Variants in SETD1A observed in about 807,000 individuals in gnomAD.
SETD1A encodes the protein histone-lysine N-methyltransferase SETD1A.
In SETD1A, 29 loss-of-function variants were observed where a neutral mutation model predicts 149.9. That is an observed-to-expected ratio of 0.19 (90% CI 0.14 to 0.26). The LOEUF is 0.26. SETD1A is among the 10% of genes least tolerant of loss of function. The pLI, the probability that SETD1A is intolerant of heterozygous loss-of-function variation, is 1.00. For missense variants in SETD1A, 2,109 were observed against 2,353.1 expected, an observed-to-expected ratio of 0.90 and a Z score of 2.15; for synonymous variants, 1,141 against 968.5, an observed-to-expected ratio of 1.18 and a Z score of -3.31.
chr16:30,984,134 A>G lies in SETD1A; in HGVS notation c.*111A>G. 1 of 1,079,692 alleles carries G rather than the reference A, an allele frequency of 9.3e-7. No homozygotes were observed. The highest frequency in any genetic ancestry group is 1.3e-6 in the Non-Finnish European group (1 of 775,648). 66.9% of individuals were successfully genotyped at this position (1,079,692 alleles called of 1,614,324 possible). ...GCAGGGCCCACATGCCCCCATCTCC[A>G]AGCGTGGGGTTGGGGGCCCCAAGCC... On this transcript the variant is annotated 3_prime_UTR_variant, in exon 19 of 19. Coordinates refer to ENST00000262519, the MANE Select transcript of SETD1A (RefSeq NM_014712.3).
chr16:30,979,998 G>GCCCC lies in SETD1A; in HGVS notation c.4214_4217dup (p.Pro1408ThrfsTer14). ...CCCACGCCCGGCGCCGCCGCCCTCC[G>GCCCC]CCCCCACCCCCGCCGCCACCGCCCC... On this transcript the variant is annotated frameshift_variant, in exon 14 of 19. Transcript: ENST00000262519. LOFTEE classifies it high-confidence loss of function. 1.7e-5 allele frequency: 8 copies of GCCCC among 481,340 alleles called. No homozygotes were observed. Among genetic ancestry groups the GCCCC allele is most frequent in the South Asian group, 2.0e-5 (1 of 51,212 alleles). 29.8% of individuals were successfully genotyped at this position (481,340 alleles called of 1,614,324 possible).
At chr16:30,959,906 G>A (rs1335658363) in intron 3 of SETD1A, among the ~76,000 whole-genome samples, 2 of 152,062 alleles carry the variant, frequency 1.3e-5, no homozygotes, top group Non-Finnish European at 2.9e-5. Context: ...TTCATTTGGA[G>A]GCCACACATG....
In SETD1A at chr16:30,964,865, C is replaced by T. The variant is rs780454569; in HGVS notation, c.1123C>T (p.Arg375Cys). The T allele has an allele frequency of 1.5e-5, 24 of 1,614,090 alleles. No homozygotes were observed. Among genetic ancestry groups the T allele is most frequent in the East Asian group, 2.2e-5 (1 of 44,894 alleles). Residue 375 changes from arginine (R) to cysteine (C), a missense_variant, in exon 7 of 19, where the codon CGC (arginine) becomes TGC (cysteine). Arg to Cys is a radical substitution (Grantham distance 180, BLOSUM62 -3). Transcript: ENST00000262519. ...NYPAYYESWN[R>C]YQRHTSYPPR... ...CCCAGCGTATTATGAAAGCTGGAAT[C>T]GCTACCAGCGCCATACTTCCTACCC... is the stretch of plus-strand genomic sequence containing the variant.
At chr16:30,960,823 C>A (rs2056043094) in intron 3 of SETD1A, among the ~76,000 whole-genome samples, 1 of 142,426 alleles carries the variant, frequency 7.0e-6, no homozygotes, top group African/African-American at 2.6e-5. Context: ...GCAACCTCTG[C>A]CTGCCAGGTT....
Position 30,965,360 on chromosome 16 carries a change from A to G in SETD1A, c.1618A>G (p.Thr540Ala). Residue 540 changes from threonine (T) to alanine (A), a missense_variant, in exon 7 of 19, where the codon ACA becomes GCA. Physicochemically the swap from Thr to Ala is moderately conservative, Grantham distance 58. Transcript: ENST00000262519. ...VPSGSGHGPC[T>A]PPPAPANFED... ...TTCTGGGTCAGGGCATGGGCCCTGC[A>G]CACCCCCTCCGGCCCCAGCTAATTT... The G allele has an allele frequency of 6.2e-7, 1 of 1,612,946 alleles. No homozygotes were observed. Among genetic ancestry groups the G allele is most frequent in the Non-Finnish European group, 8.5e-7 (1 of 1,179,108 alleles).
chr16:30,958,420 C>T (rs1021684328), intron 1 of SETD1A: 3 of 144,946 alleles, frequency 2.1e-5, no homozygotes, highest in East Asian at 1.1e-4. Context: ...CTGCAGGGGG[C>T]GGGGGAGGGG....
intron 3 of SETD1A, among the ~76,000 whole-genome samples, chr16:30,960,411 G>C (rs551145239): frequency 7.2e-5 from 11 of 152,296 alleles, no homozygotes; most frequent in African/African-American, 2.4e-4. Context: ...CTTGTCATTT[G>C]ATGAATTGTT....
intron 4 of SETD1A, among the ~76,000 whole-genome samples, chr16:30,962,559 A>T (rs2056068565): frequency 2.0e-5 from 3 of 152,310 alleles, no homozygotes; most frequent in Admixed American, 6.5e-5. Context: ...CGAGCTGCAG[A>T]TTGCAGTATT....
chr16:30,966,264 C>G lies in SETD1A; in HGVS notation c.2383C>G (p.Leu795Val), dbSNP rs771052520. ...LPTAGTVGRV[L>V]AMLVQEMKSI... is the part of the protein sequence containing the mutation. ...GACAGCAGGCACCGTGGGCCGTGTG[C>G]TCGCCATGCTGGTCCAGGAGATGAA... Residue 795 changes from leucine to valine, a missense_variant, in exon 8 of 19, where the codon CTC becomes GTC. By Grantham distance (32) the Leu-to-Val change is conservative (BLOSUM62 1). This residue lies in a region of SETD1A where 431 missense variants were observed against 388.6 expected (regional missense o/e 1.11). Transcript: ENST00000262519. 6.2e-7 allele frequency: 1 copy of G among 1,613,766 alleles called. No homozygotes were observed. The highest frequency in any genetic ancestry group is 8.5e-7 in the Non-Finnish European group (1 of 1,180,020).
At chr16:30,971,115 T>C (rs1238467335) in intron 12 of SETD1A, among the ~76,000 whole-genome samples, 2 of 152,238 alleles carry the variant, frequency 1.3e-5, no homozygotes, top group Non-Finnish European at 2.9e-5. Context: ...GTGGACTCCT[T>C]GTCCTTGAGT....
Position 30,965,672 on chromosome 16 carries a change from C to T in SETD1A, c.1791C>T (p.Ala597=), listed in dbSNP as rs769699524. 1 of 1,610,128 alleles carries T rather than the reference C, an allele frequency of 6.2e-7. No individual in the cohort carries two copies. Among genetic ancestry groups the T allele is most frequent in the Non-Finnish European group, 8.5e-7 (1 of 1,178,532 alleles). The change falls in exon 8 of 19, where the codon GCC becomes GCT. Residue 597 remains alanine (A), a synonymous_variant. Transcript: ENST00000262519. ...DDDRGGSPPP[A]PTPPQQPPPP... ...ACCGGGGTGGCTCACCCCCTCCGGC[C>T]CCGACGCCCCCTCAGCAGCCTCCGC... is the stretch of plus-strand genomic sequence containing the variant.
In SETD1A at chr16:30,964,984, C is replaced by A. The variant is rs756131003; in HGVS notation, c.1242C>A (p.Pro414=). 6.2e-7 allele frequency: 1 copy of A among 1,614,050 alleles called. No individual in the cohort carries two copies. The highest frequency in any genetic ancestry group is 1.7e-5 in the Admixed American group (1 of 60,026). The part of the protein sequence containing the change: ...RFPPSYTSYL[P]PEPSRPTDQD... ...CACCTTCTTACACCTCCTACCTGCCCCCCGAGCCCAGCCGGCCCACCGACC... is the reference window on the plus strand; with the variant it reads ...CACCTTCTTACACCTCCTACCTGCCACCCGAGCCCAGCCGGCCCACCGACC... The change falls in exon 7 of 19, where the codon CCC becomes CCA. Residue 414 remains proline (P), a synonymous_variant. Coordinates refer to ENST00000262519, the MANE Select transcript of SETD1A (RefSeq NM_014712.3).
Position 30,965,670 on chromosome 16 carries a change from G to T in SETD1A, c.1789G>T (p.Ala597Ser). ...CGACCGGGGTGGCTCACCCCCTCCG[G>T]CCCCGACGCCCCCTCAGCAGCCTCC... ...DDDRGGSPPP[A>S]PTPPQQPPPP... The change falls in exon 8 of 19, where the codon GCC (alanine) becomes TCC (serine). Residue 597 changes from alanine (A) to serine (S), a missense_variant. Around this residue, in one of 8 missense-constraint regions of SETD1A, gnomAD observed 431 missense variants for 388.6 expected, o/e 1.11. Transcript: ENST00000262519. The T allele has an allele frequency of 3.1e-6, 5 of 1,609,018 alleles. No individual in the cohort carries two copies. The highest frequency in any genetic ancestry group is 1.4e-5 in the African/African-American group (1 of 73,992).
chr16:30,977,191 G>T (rs975183421), intron 13 of SETD1A, among the ~76,000 whole-genome samples: 2 of 152,154 alleles, frequency 1.3e-5, no homozygotes, highest in African/African-American at 2.4e-5. Context: ...TGGTCCACCC[G>T]CCTCGGCCTC....
chr16:30,965,091 G>A lies in SETD1A; in HGVS notation c.1349G>A (p.Ser450Asn), dbSNP rs746576575. ...GGAGGCGGGGGTGGAGGAGGGCCCA[G>A]CCCTGAGAGAGAAGAAGTTCGGACT... ...PGGGGGGGGP[S>N]PEREEVRTSP... The change falls in exon 7 of 19, where the codon AGC becomes AAC. Residue 450 changes from serine to asparagine, a missense_variant. Ser to Asn is a conservative substitution (Grantham distance 46, BLOSUM62 1). This residue lies in a region of SETD1A where 410 missense variants were observed against 394.8 expected (regional missense o/e 1.04). Coordinates refer to ENST00000262519, the MANE Select transcript of SETD1A (RefSeq NM_014712.3). 1 of 1,611,410 alleles carries A rather than the reference G, an allele frequency of 6.2e-7. No homozygotes were observed. The highest frequency in any genetic ancestry group is 1.1e-5 in the South Asian group (1 of 91,054).
intron 6 of SETD1A, 63 bp from the exon 7 acceptor site, chr16:30,964,549 C>T: frequency 6.4e-7 from 1 of 1,569,390 alleles, no homozygotes; most frequent in East Asian, 2.2e-5. Context: ...GCCCTGGGAC[C>T]CAGTACGCTG....
rs2143589583 is a variant in SETD1A, at chr16:30,980,787, C to T, written c.4630C>T (p.Leu1544=). 6.2e-7 allele frequency: 1 copy of T among 1,611,710 alleles called. No individual in the cohort carries two copies. The highest frequency in any genetic ancestry group is 1.1e-5 in the South Asian group (1 of 91,050). ...GCGCCGGTCCGAGCAGCGGCGGCTG[C>T]TGAGCGCCATCGGTACCTCCGCCAT... ...SERRSEQRRL[L]SAIGTSAIMD... The change falls in exon 16 of 19, where the codon CTG becomes TTG. Residue 1544 remains leucine (L), a synonymous_variant. Transcript: ENST00000262519. The surrounding 1 kb of genome is among the most constrained non-coding windows in gnomAD (Gnocchi z 7.7).
chr16:30,984,327 T>TG lies in SETD1A; in HGVS notation c.*310dup, dbSNP rs1029444519. 5 of 394,210 alleles carry TG rather than the reference T, an allele frequency of 1.3e-5. No homozygotes were observed. Among genetic ancestry groups the TG allele is most frequent in the Non-Finnish European group, 1.4e-5 (3 of 214,180 alleles). 24.4% of individuals were successfully genotyped at this position (394,210 alleles called of 1,614,324 possible). A position where few individuals can be genotyped will look rare whatever the true frequency, so the allele number is the denominator to read the frequency against. On this transcript the variant is annotated 3_prime_UTR_variant, in exon 19 of 19. Coordinates refer to ENST00000262519, the MANE Select transcript of SETD1A (RefSeq NM_014712.3). ...GTGCCGGCCTGTACAGATTCTGTCC[T>TG]GGGGGGCTACACAGTCCTCTTGCTT...
At position 30,971,696 on chromosome 16, in the gene SETD1A, A is replaced by G. The variant is rs763105863; in HGVS notation, c.3335A>G (p.Glu1112Gly). The change falls in exon 13 of 19, where the codon GAG becomes GGG. Residue 1112 changes from glutamate (E) to glycine (G), a missense_variant. Glu to Gly is a moderately conservative substitution (Grantham distance 98, BLOSUM62 -2). Coordinates refer to ENST00000262519, the MANE Select transcript of SETD1A (RefSeq NM_014712.3). ...CCAGTCACACCCCTGCCCGAACAGG[A>G]GGCGTCTCCAGCAAGGCCTGCAGGT... is the stretch of plus-strand genomic sequence containing the variant. ...GSPVTPLPEQ[E>G]ASPARPAGPT... 1 of 1,577,886 alleles carries G rather than the reference A, an allele frequency of 6.3e-7. No individual in the cohort carries two copies.
Sources: allele counts gnomAD v4.1 joint callset (sites outside exome capture counted in the v4.1 genomes callset), GRCh38; gene constraint gnomAD v4.1.1; regional missense constraint gnomAD v4.1.1; non-coding constraint Gnocchi (gnomAD v3.1); transcripts MANE v1.5; gene names NCBI Gene and HGNC (gene_info 2026-07-23, HGNC 2026-07-21).